LY75: variants seen among roughly 807,000 people sequenced by gnomAD.
The protein encoded by LY75 is C-type lectin domain family 13 member B.
In LY75, 185 loss-of-function variants were observed where a neutral mutation model predicts 231.7. The ratio of observed to expected loss-of-function variants is 0.80; its 90% CI spans 0.71 to 0.90. The LOEUF (loss-of-function observed/expected upper bound fraction) is 0.90, where lower values mean the gene tolerates loss of function less well. Among genes scored for constraint, LY75 ranks in the 40% least tolerant of loss-of-function variants. The probability of loss-of-function intolerance (pLI) is 0.00; values close to 1 mark genes in which losing one functional copy is unlikely to be tolerated. For synonymous variants in LY75, 668 were observed against 689.0 expected, an observed-to-expected ratio of 0.97 and a Z score of 0.48; for missense variants, 1,947 against 2,050.2, an observed-to-expected ratio of 0.95 and a Z score of 0.97.
In LY75 at chr2:159,808,574, G is replaced by A. The variant is rs1478851886; in HGVS notation, c.4700-3C>T. ...GGAAACGATAGTTGCAGAGTGATCT[G>A]TTGAAAGAAAACACATTCTCAATTA... On this transcript the variant is annotated splice_polypyrimidine_tract_variant and splice_region_variant and intron_variant, in intron 32 of 34. Transcript: ENST00000263636. The A allele has an allele frequency of 1.2e-6, 2 of 1,612,840 alleles. No individual in the cohort carries two copies. The highest frequency in any genetic ancestry group is 1.7e-6 in the Non-Finnish European group (2 of 1,179,838).
chr2:159,902,542 G>T (rs1199136280), intron 1 of LY75: 1 of 152,198 alleles, frequency 6.6e-6, no homozygotes, highest in Non-Finnish European at 1.5e-5. Context: ...CAGACAAATG[G>T]ATAGGGAAAT....
Position 159,850,421 on chromosome 2 carries a change from C to G in LY75, c.2930G>C (p.Ser977Thr). The change falls in exon 22 of 35, where the codon AGC becomes ACC. Residue 977 changes from serine (S) to threonine (T), a missense_variant. Ser to Thr is a moderately conservative substitution (Grantham distance 58). Transcript: ENST00000263636. ...GCCACCATAGGAGTGACAGGTATCG[C>G]TTGCTTGAGAAAATGTGAGAGACAC... Reference protein sequence around the residue: ...KPVSLTFSQASDTCHSYGGTL... With the variant: ...KPVSLTFSQATDTCHSYGGTL... 1 of 1,613,582 alleles carries G rather than the reference C, an allele frequency of 6.2e-7. No homozygotes were observed. The highest frequency in any genetic ancestry group is 8.5e-7 in the Non-Finnish European group (1 of 1,179,676).
chr2:159,854,640 C>T lies in LY75; in HGVS notation c.2420-105G>A, dbSNP rs552672671. On this transcript the variant is annotated intron_variant, in intron 17 of 34. Transcript: ENST00000263636. ...AACTATAAATAGTAATTCAGATTAC[C>T]GGCCCTCTCTGGCTGGGGCAGTACT... The T allele has an allele frequency of 2.2e-5, 30 of 1,359,332 alleles. No individual in the cohort carries two copies. In the African/African-American group the frequency reaches 2.5e-4, roughly 11 times the overall value. 84.2% of individuals were successfully genotyped at this position (1,359,332 alleles called of 1,614,324 possible).
chr2:159,814,240 C>A (rs751035519), intron 31 of LY75, among the ~76,000 whole-genome samples: 4 of 152,162 alleles, frequency 2.6e-5, no homozygotes, highest in Admixed American at 6.5e-5. Context: ...CCAGGGGTGA[C>A]CCTAAGTCCA....
At chr2:159,849,844 C>T (rs928532482) in intron 23 of LY75, 136 bp downstream of exon 23, 18 of 1,140,978 alleles carry the variant, frequency 1.6e-5, no homozygotes, top group South Asian at 1.7e-5. Flanking sequence ...AACCTACTTA[C>T]TATCTTAGAT....
rs1208280428 is a variant in LY75 at position 159,882,296 on chromosome 2, A to G, written c.1074T>C (p.Asp358=). 2.5e-6 allele frequency: 4 copies of G among 1,613,716 alleles called. No homozygotes were observed. The highest frequency in any genetic ancestry group is 3.3e-5 in the Admixed American group (2 of 59,968). ...GCAGCCAGCCTGCATCACAGCGGGT[A>G]TCTGAGTATGTCCAGACATCTGGGG... is the stretch of plus-strand genomic sequence containing the variant. ...VELTDVWTYS[D]TRCDAGWLPN... is the part of the protein sequence containing the mutation. The change falls in exon 7 of 35, where the codon GAT becomes GAC. Residue 358 remains aspartate, a synonymous_variant. Transcript: ENST00000263636.
chr2:159,874,769 TATATATATTTTGTAAATATATGTAA>T (rs1685193271), intron 12 of LY75, among the ~76,000 whole-genome samples: 1 of 98,668 alleles, frequency 1.0e-5, no homozygotes, highest in African/African-American at 4.0e-5. Context: ...TATATGTAAA[TATATATATTTTGTAAATATATGTAA>T]ATATATATAT....
chr2:159,854,911 G>T lies in LY75; in HGVS notation c.2412C>A (p.Tyr804Ter). The change falls in exon 17 of 35, where the codon TAC becomes TAA. Residue 804 changes from tyrosine to a stop codon, truncating the protein, a stop_gained. Coordinates refer to ENST00000263636, the MANE Select transcript of LY75 (RefSeq NM_002349.4). LOFTEE classifies it high-confidence loss of function. Reference sequence around the variant, plus strand: ...TCAGTTTTCTTAACTCACCTGGATTGTACCAGTCTGGTGTTTTTGGAGTAC... The same window carrying T: ...TCAGTTTTCTTAACTCACCTGGATTTTACCAGTCTGGTGTTTTTGGAGTAC... Reference protein sequence around the residue: ...KGRTPKTPDWYNPDRAGIHGP... With the variant: ...KGRTPKTPDW 1.2e-6 allele frequency: 2 copies of T among 1,613,822 alleles called. No homozygotes were observed. The highest frequency in any genetic ancestry group is 1.7e-6 in the Non-Finnish European group (2 of 1,179,856).
rs150811941 is a variant in LY75, at chr2:159,886,414, A to G, written c.913+6T>C. On this transcript the variant is annotated splice_donor_region_variant and intron_variant, in intron 5 of 34. Transcript: ENST00000263636. The stretch of plus-strand genomic sequence containing the variant: ...TGTGCAGAGGGGGTAGGGAAAGAGC[A>G]GTTACCTGGATCCCAGTTGAGAAAG... 1.4e-5 allele frequency: 22 copies of G among 1,605,364 alleles called. No individual in the cohort carries two copies. Among genetic ancestry groups the G allele is most frequent in the Non-Finnish European group, 1.9e-5 (22 of 1,175,142 alleles).
intron 13 of LY75, among the ~76,000 whole-genome samples, chr2:159,867,324 C>A (rs1457614520): frequency 1.3e-5 from 2 of 152,000 alleles, no homozygotes; most frequent in Non-Finnish European, 2.9e-5. Flanking sequence ...GTAACTCATT[C>A]CTGGTTTGGC....
chr2:159,843,183 A>G (rs1325859322), intron 23 of LY75, among the ~76,000 whole-genome samples: 1 of 152,106 alleles, frequency 6.6e-6, no homozygotes, highest in Non-Finnish European at 1.5e-5. Context: ...AATGGGGTAG[A>G]AAAAGGTAGA....
At chr2:159,828,785 T>C (rs1045629471) in intron 28 of LY75, among the ~76,000 whole-genome samples, 1 of 152,246 alleles carries the variant, frequency 6.6e-6, no homozygotes, top group Non-Finnish European at 1.5e-5. Context: ...AAATGTATTA[T>C]ATCCATAGAA....
At chr2:159,813,206 G>C (rs1417255304) in intron 31 of LY75, among the ~76,000 whole-genome samples, 3 of 152,058 alleles carry the variant, frequency 2.0e-5, no homozygotes, top group Non-Finnish European at 4.4e-5. Context: ...GTAATCTTAT[G>C]TACATGTTTT....
At chr2:159,852,065 G>T in intron 21 of LY75, 136 bp downstream of exon 21, 1 of 1,279,206 alleles carries the variant, frequency 7.8e-7, no homozygotes, top group South Asian at 1.9e-5. Context: ...TGGCAACACA[G>T]AGGGCCAGGT....
intron 3 of LY75, 97 bp from the exon 4 acceptor site, chr2:159,890,474 T>C (rs1685718111): frequency 3.2e-6 from 5 of 1,539,234 alleles, no homozygotes; most frequent in Non-Finnish European, 4.4e-6. Context: ...TTGCATACTC[T>C]TAGGATATGC....
chr2:159,805,310 T>G, intron 34 of LY75, 88 bp from the exon 35 acceptor site: 1 of 926,672 alleles, frequency 1.1e-6, no homozygotes, highest in Non-Finnish European at 1.7e-6. Flanking sequence ...GTCACACATG[T>G]AAACCTGTAA....
chr2:159,847,777 GC>G (rs1684247924), intron 23 of LY75, among the ~76,000 whole-genome samples: 1 of 152,042 alleles, frequency 6.6e-6, no homozygotes, highest in African/African-American at 2.4e-5. Flanking sequence ...CTTTCTGGAA[GC>G]AAGTTGGTAA....
chr2:159,816,189 G>GTACACAAGAC (rs1683115918), intron 30 of LY75, among the ~76,000 whole-genome samples: 1 of 151,942 alleles, frequency 6.6e-6, no homozygotes, highest in Admixed American at 6.5e-5. Context: ...ACCATTTTTT[G>GTACACAAGAC]TACACAAGAC....
intron 1 of LY75, 98 bp downstream of exon 1, chr2:159,904,491 C>CCGG: frequency 7.6e-7 from 1 of 1,313,324 alleles, no homozygotes; most frequent in Non-Finnish European, 1.0e-6. Flanking sequence ...GCAGCCGTGA[C>CCGG]CTGCCCCAGG....
Sources: gnomAD v4.1 joint callset for allele counts (sites outside exome capture counted in the v4.1 genomes callset) on GRCh38, gnomAD v4.1.1 for gene constraint, MANE v1.5 for transcripts, NCBI Gene and HGNC (gene_info 2026-07-23, HGNC 2026-07-21) for gene names.